Variants in SCD5 observed in about 807,000 individuals in gnomAD.
SCD5 encodes the protein acyl-CoA-desaturase 4.
Under a neutral mutation model 30.4 loss-of-function variants are expected in SCD5, and 20 were observed. The observed-to-expected ratio is 0.66, with a 90% CI of 0.46 to 0.96. SCD5 has a LOEUF of 0.96. SCD5 is among the 40% of genes least tolerant of loss of function. SCD5 has a pLI of 0.00. For synonymous variants in SCD5, 173 were observed against 176.4 expected, an observed-to-expected ratio of 0.98 and a Z score of 0.16; for missense variants, 381 against 443.3, an observed-to-expected ratio of 0.86 and a Z score of 1.26.
At chr4:82,697,238 G>A (rs917123693) in intron 2 of SCD5, among the ~76,000 whole-genome samples, 3 of 152,128 alleles carry the variant, frequency 2.0e-5, no homozygotes, top group Non-Finnish European at 4.4e-5. Context: ...TACAGATGCC[G>A]GGCTAAATTA....
chr4:82,748,994 T>A (rs775780686), intron 1 of SCD5, among the ~76,000 whole-genome samples: 19 of 152,148 alleles, frequency 1.2e-4, no homozygotes, highest in Non-Finnish European at 2.6e-4. Context: ...CCTGAGCTCT[T>A]ATGGGGGCAA....
intron 2 of SCD5, among the ~76,000 whole-genome samples, chr4:82,687,260 T>TA (rs1159707187): frequency 1.3e-5 from 2 of 151,330 alleles, no homozygotes; most frequent in African/African-American, 4.8e-5. Context: ...CCATTTTTAA[T>TA]AAAAAATATA....
chr4:82,662,028 C>T lies in SCD5; in HGVS notation c.569+18679G>A, dbSNP rs145483049. 2.2e-4 allele frequency among the ~76,000 whole-genome samples: 34 copies of T among 152,186 alleles called. No individual in the cohort carries two copies. In the East Asian group the frequency reaches 3.7e-3, roughly 16 times the overall value. On this transcript the variant is annotated intron_variant, in intron 3 of 4. Coordinates refer to ENST00000319540, the MANE Select transcript of SCD5 (RefSeq NM_001037582.3). ...AAGAGACAGTGTCTTTGTCTTTGGC[C>T]ATGGGTAGTGAACAGAACAGTGTAT...
intron 1 of SCD5, among the ~76,000 whole-genome samples, chr4:82,760,667 C>A (rs1413295207): frequency 6.6e-6 from 1 of 152,132 alleles, no homozygotes; most frequent in Non-Finnish European, 1.5e-5. Flanking sequence ...CAAGTCCTGC[C>A]CTCAGTCAAG....
intron 3 of SCD5, among the ~76,000 whole-genome samples, chr4:82,679,658 G>A (rs1369950210): frequency 6.6e-6 from 1 of 152,222 alleles, no homozygotes; most frequent in East Asian, 1.9e-4. Context: ...AAGTGGAGGA[G>A]TCAGAGACTT....
At chr4:82,682,072 C>T (rs1728589201) in intron 2 of SCD5, among the ~76,000 whole-genome samples, 1 of 152,222 alleles carries the variant, frequency 6.6e-6, no homozygotes, top group Admixed American at 6.5e-5. Flanking sequence ...TCCTTGGGAA[C>T]CTGGTGTATT....
At chr4:82,722,981 G>A (rs2148832887) in intron 1 of SCD5, among the ~76,000 whole-genome samples, 1 of 150,768 alleles carries the variant, frequency 6.6e-6, no homozygotes, top group Admixed American at 6.6e-5. Flanking sequence ...GGAGGCTGAG[G>A]CAGGAGAATC....
intron 3 of SCD5, among the ~76,000 whole-genome samples, chr4:82,662,623 G>A (rs1028759525): frequency 6.6e-6 from 1 of 151,758 alleles, no homozygotes; most frequent in Non-Finnish European, 1.5e-5. Flanking sequence ...ACTTTGGGAG[G>A]CTGAGGTAGG....
At chr4:82,711,350 T>TTC (rs35445118) in intron 1 of SCD5, among the ~76,000 whole-genome samples, 26 of 58,446 alleles carry the variant, frequency 4.4e-4, no homozygotes, top group African/African-American at 2.4e-3. Context: ...TTGAAGGGTG[T>TTC]TACTGGCATC....
At chr4:82,667,653 C>G (rs1222211987) in intron 3 of SCD5, among the ~76,000 whole-genome samples, 1 of 152,226 alleles carries the variant, frequency 6.6e-6, no homozygotes, top group African/African-American at 2.4e-5. Context: ...ACACAGTTCA[C>G]ACCTCTTTAG....
In SCD5 at chr4:82,651,651, C is replaced by T. The variant is rs934801858; in HGVS notation, c.570-14828G>A. The stretch of plus-strand genomic sequence containing the variant: ...AAAATTGGCCAGGTGTGGTGGCTCA[C>T]GCCTGTAATTCCAGCACTCTGGGAG... On this transcript the variant is annotated intron_variant, in intron 3 of 4. Transcript: ENST00000319540. Among the ~76,000 whole-genome samples the T allele has an allele frequency of 1.8e-4, 27 of 151,964 alleles. 1 individual carries two copies. Among genetic ancestry groups the T allele is most frequent in the Admixed American group, 6.6e-5 (1 of 15,240 alleles).
chr4:82,747,885 AG>A (rs1181286672), intron 1 of SCD5, among the ~76,000 whole-genome samples: 5 of 152,242 alleles, frequency 3.3e-5, no homozygotes, highest in African/African-American at 1.2e-4. Context: ...AGCCACAGAA[AG>A]GCTGCAATTC....
intron 2 of SCD5, among the ~76,000 whole-genome samples, chr4:82,686,965 G>C (rs1277884628): frequency 6.6e-6 from 1 of 152,140 alleles, no homozygotes; most frequent in African/African-American, 2.4e-5. Context: ...GAGATCAGGA[G>C]TTTGAGACCA....
intron 3 of SCD5, among the ~76,000 whole-genome samples, chr4:82,674,378 T>A (rs1728391652): frequency 6.6e-6 from 1 of 151,984 alleles, no homozygotes; most frequent in South Asian, 2.1e-4. Context: ...GATGGAACAA[T>A]AAGCTTATCT....
At chr4:82,710,952 C>T (rs1720071566) in intron 1 of SCD5, among the ~76,000 whole-genome samples, 1 of 151,954 alleles carries the variant, frequency 6.6e-6, no homozygotes, top group South Asian at 2.1e-4. Flanking sequence ...AGCATCATGG[C>T]TAAAATGGCC....
intron 3 of SCD5, among the ~76,000 whole-genome samples, chr4:82,653,420 T>C (rs997777096): frequency 1.3e-5 from 2 of 152,120 alleles, no homozygotes; most frequent in Non-Finnish European, 2.9e-5. Context: ...TGTTTCCTAA[T>C]CTCTATTCCT....
At chr4:82,655,009 C>T (rs1727841293) in intron 3 of SCD5, among the ~76,000 whole-genome samples, 1 of 152,208 alleles carries the variant, frequency 6.6e-6, no homozygotes, top group Non-Finnish European at 1.5e-5. Context: ...AAGGCCCTCA[C>T]CATGCCAGTC....
intron 2 of SCD5, among the ~76,000 whole-genome samples, chr4:82,696,499 A>G (rs551838798): frequency 1.5e-4 from 23 of 152,362 alleles, no homozygotes; most frequent in African/African-American, 5.5e-4. Context: ...TCGTATCTTC[A>G]TTAATGTCTG....
At chr4:82,743,048 G>C (rs1720909790) in intron 1 of SCD5, among the ~76,000 whole-genome samples, 1 of 152,164 alleles carries the variant, frequency 6.6e-6, no homozygotes, top group African/African-American at 2.4e-5. Flanking sequence ...CTAGCCCCCA[G>C]CCCTTTCCAC....
Sources: allele counts gnomAD v4.1 joint callset (sites outside exome capture counted in the v4.1 genomes callset), GRCh38; gene constraint gnomAD v4.1.1; transcripts MANE v1.5; gene names NCBI Gene and HGNC (gene_info 2026-07-23, HGNC 2026-07-21).